PTPRN2: variants seen among roughly 807,000 people sequenced by gnomAD.
The protein encoded by PTPRN2 is protein tyrosine phosphatase receptor type N2, also known as receptor-type tyrosine-protein phosphatase N2.
Under a neutral mutation model 118.8 loss-of-function variants are expected in PTPRN2, and 74 were observed. That is an observed-to-expected ratio of 0.62 (90% CI 0.52 to 0.76). The LOEUF is 0.76. PTPRN2 is among the 30% of genes least tolerant of loss of function. PTPRN2 has a pLI of 0.00. For synonymous variants in PTPRN2, 641 were observed against 608.0 expected (o/e 1.05, Z -0.80); for missense variants, 1,481 against 1,394.4 (o/e 1.06, Z -0.99).
At chr7:158,507,908 A>G (rs920662174) in intron 1 of PTPRN2, among the ~76,000 whole-genome samples, 11 of 149,882 alleles carry the variant, frequency 7.3e-5, no homozygotes, top group Admixed American at 2.6e-4. Flanking sequence ...ATCAGTGAGG[A>G]CCATCCAGGG....
intron 12 of PTPRN2, among the ~76,000 whole-genome samples, chr7:157,683,302 T>C (rs561986757): frequency 6.6e-6 from 1 of 152,038 alleles, no homozygotes; most frequent in South Asian, 2.1e-4. Flanking sequence ...GCTTGCACAA[T>C]GATTGTCGGG....
At position 157,944,766 on chromosome 7, in the gene PTPRN2, C is replaced by T. The variant is rs1294057868; in HGVS notation, c.1724-46029G>A. Among the ~76,000 whole-genome samples the T allele has an allele frequency of 1.3e-5, 2 of 152,156 alleles. No individual in the cohort carries two copies. Among genetic ancestry groups the T allele is most frequent in the African/African-American group, 2.4e-5 (1 of 41,432 alleles). On this transcript the variant is annotated intron_variant, in intron 11 of 22. Coordinates refer to ENST00000389418, the MANE Select transcript of PTPRN2 (RefSeq NM_002847.5). The surrounding 1 kb of genome is among the most constrained non-coding windows in gnomAD (Gnocchi z 4.3). ...AGCTGTGCCCCTCTCTTCTCTAAGC[C>T]AAGGGGCTGTTGGGACAGGCAGCCG...
intron 11 of PTPRN2, among the ~76,000 whole-genome samples, chr7:157,920,540 G>A (rs1798642869): frequency 6.6e-6 from 1 of 152,154 alleles, no homozygotes; most frequent in African/African-American, 2.4e-5. Context: ...AGCCAGCGAG[G>A]ACAAATGCTG....
Position 158,571,525 on chromosome 7 carries a change from CTTTTTTTTT to C in PTPRN2, c.112+16024_112+16032del, listed in dbSNP as rs552051165. 1.6e-3 allele frequency among the ~76,000 whole-genome samples: 117 copies of C among 71,802 alleles called. 2 individuals carry two copies. The East Asian group carries it at 0.071, about 44-fold the overall frequency. 47.1% of individuals were successfully genotyped at this position (71,802 alleles called of 152,430 possible). On this transcript the variant is annotated intron_variant, in intron 1 of 22. Transcript: ENST00000389418. ...AACAAAAAAAAACACACACCTATTTCTTTTTTTTTTTTTTTTTTTTTCTTTTGAGCAGGA... is the reference window on the plus strand; with the variant it reads ...AACAAAAAAAAACACACACCTATTTCTTTTTTTTTTTTCTTTTGAGCAGGA...
intron 12 of PTPRN2, among the ~76,000 whole-genome samples, chr7:157,692,955 T>C (rs974564703): frequency 6.6e-6 from 1 of 151,824 alleles, no homozygotes; most frequent in African/African-American, 2.4e-5. Context: ...AGTCGAGTGG[T>C]AGCGGTTCCT....
At chr7:158,306,929 T>C (rs1801349213) in intron 3 of PTPRN2, among the ~76,000 whole-genome samples, 1 of 148,292 alleles carries the variant, frequency 6.7e-6, no homozygotes, top group Non-Finnish European at 1.5e-5. Flanking sequence ...TGCAGTGGTG[T>C]GATCCCAGCC....
At position 158,015,980 on chromosome 7, in the gene PTPRN2, C is replaced by T. The variant is rs1011758317; in HGVS notation, c.1723+65318G>A. Among the ~76,000 whole-genome samples the T allele has an allele frequency of 6.6e-6, 1 of 152,284 alleles. No individual in the cohort carries two copies. Among genetic ancestry groups the T allele is most frequent in the Admixed American group, 6.5e-5 (1 of 15,304 alleles). On this transcript the variant is annotated intron_variant, in intron 11 of 22. Transcript: ENST00000389418. The surrounding 1 kb of genome is among the most constrained non-coding windows in gnomAD (Gnocchi z 4.2). ...ACGGCTGTGGGGTCCCAGTGTGTCA[C>T]CTGCGTGGCCTTTTCAGGTTCTGGG...
chr7:157,697,630 C>T (rs1305999944), intron 12 of PTPRN2, among the ~76,000 whole-genome samples: 1 of 121,546 alleles, frequency 8.2e-6, no homozygotes. Context: ...AGAGCCCTCA[C>T]CGTCTACCCA....
chr7:157,608,055 T>C (rs913765187), intron 15 of PTPRN2, among the ~76,000 whole-genome samples: 2 of 152,168 alleles, frequency 1.3e-5, no homozygotes, highest in African/African-American at 4.8e-5. Flanking sequence ...CATATTGCTT[T>C]TGAAATTACC....
intron 3 of PTPRN2, among the ~76,000 whole-genome samples, chr7:158,299,668 G>A (rs1208640365): frequency 1.3e-5 from 2 of 152,146 alleles, no homozygotes; most frequent in African/African-American, 4.8e-5. Flanking sequence ...CTGTAAATGA[G>A]CTTCTCACCT....
At chr7:157,685,092 T>C (rs1312177059) in intron 12 of PTPRN2, among the ~76,000 whole-genome samples, 10 of 151,614 alleles carry the variant, frequency 6.6e-5, no homozygotes, top group East Asian at 5.8e-4. Flanking sequence ...GCCCCTCGCC[T>C]CTCGCCTCCC....
At chr7:158,515,810 A>T (rs1419881352) in intron 1 of PTPRN2, among the ~76,000 whole-genome samples, 1 of 151,560 alleles carries the variant, frequency 6.6e-6, no homozygotes, top group Non-Finnish European at 1.5e-5. Context: ...CACTATCGAC[A>T]CCTCCCACGC....
At chr7:157,786,390 T>C (rs980340881) in intron 12 of PTPRN2, among the ~76,000 whole-genome samples, 14 of 152,344 alleles carry the variant, frequency 9.2e-5, no homozygotes, top group East Asian at 1.9e-4. Flanking sequence ...AGAAGGAAGA[T>C]TATTTATTGT....
chr7:157,965,853 A>G lies in PTPRN2; in HGVS notation c.1724-67116T>C, dbSNP rs143054717. Among the ~76,000 whole-genome samples the G allele has an allele frequency of 4.8e-4, 73 of 152,294 alleles. No individual in the cohort carries two copies. The East Asian group carries it at 5.0e-3, about 10-fold the overall frequency. On this transcript the variant is annotated intron_variant, in intron 11 of 22. Coordinates refer to ENST00000389418, the MANE Select transcript of PTPRN2 (RefSeq NM_002847.5). ...CCCCTCATTACCAAAAACTTAACCC[A>G]AAAGTGCACTTCCCAAAATGCCTCC...
rs759680616 is a variant in PTPRN2, at chr7:157,817,658, C to T, written c.1788+81015G>A. Among the ~76,000 whole-genome samples the T allele has an allele frequency of 1.6e-4, 24 of 152,372 alleles. No individual in the cohort carries two copies. The East Asian group carries it at 1.9e-3, about 12-fold the overall frequency. ...CTGCACAAAGCAGCATCTGGAGCTA[C>T]GGCCGGGGCCATCAATGGGGTGAGG... is the stretch of plus-strand genomic sequence containing the variant. On this transcript the variant is annotated intron_variant, in intron 12 of 22. Transcript: ENST00000389418.
At chr7:158,406,107 C>G in intron 2 of PTPRN2, among the ~76,000 whole-genome samples, 1 of 88,870 alleles carries the variant, frequency 1.1e-5, no homozygotes, top group South Asian at 3.8e-4. Flanking sequence ...TGGCCGCACA[C>G]TGAGATCCCG....
chr7:158,166,082 A>C (rs987909267), intron 6 of PTPRN2, among the ~76,000 whole-genome samples: 1 of 152,138 alleles, frequency 6.6e-6, no homozygotes, highest in Non-Finnish European at 1.5e-5. Context: ...TTTCCAAAAC[A>C]GATATGGATG....
At chr7:157,988,089 C>G (rs892322851) in intron 11 of PTPRN2, among the ~76,000 whole-genome samples, 4 of 152,200 alleles carry the variant, frequency 2.6e-5, no homozygotes, top group African/African-American at 9.7e-5. Flanking sequence ...CTGCCTCATG[C>G]AGACGGAGAG....
At chr7:157,950,297 C>T (rs905692334) in intron 11 of PTPRN2, among the ~76,000 whole-genome samples, 4 of 152,312 alleles carry the variant, frequency 2.6e-5, no homozygotes, top group African/African-American at 7.2e-5. Flanking sequence ...AACCCGCAGG[C>T]GTTTCTGAGT....
Sources: gnomAD v4.1 joint callset for allele counts (sites outside exome capture counted in the v4.1 genomes callset) on GRCh38, gnomAD v4.1.1 for gene constraint, Gnocchi (gnomAD v3.1) non-coding constraint, MANE v1.5 for transcripts, NCBI Gene and HGNC (gene_info 2026-07-23, HGNC 2026-07-21) for gene names.